CARS1: variants seen among roughly 807,000 people sequenced by gnomAD.
CARS1 encodes the protein cysteinyl-tRNA synthetase 1.
Under a neutral mutation model 106.2 loss-of-function variants are expected in CARS1, and 48 were observed. The observed-to-expected ratio is 0.45, with a 90% confidence interval of 0.36 to 0.57. CARS1 has a LOEUF of 0.57. CARS1 is among the 20% of genes least tolerant of loss of function. CARS1 has a pLI of 0.00. For synonymous variants in CARS1, 409 were observed against 403.4 expected (o/e 1.01, Z -0.17); for missense variants, 968 against 1,057.2 (o/e 0.92, Z 1.17).
intron 17 of CARS1, among the ~76,000 whole-genome samples, chr11:3,015,481 G>A (rs148248415): frequency 2.6e-4 from 39 of 152,360 alleles, no homozygotes; most frequent in Non-Finnish European, 5.0e-4. Context: ...CCAAGTGGCC[G>A]CAGCAAAATG....
intron 17 of CARS1, among the ~76,000 whole-genome samples, chr11:3,014,934 T>G (rs1478574676): frequency 1.3e-5 from 2 of 152,264 alleles, no homozygotes; most frequent in South Asian, 2.1e-4. Context: ...ATTAAGCTCC[T>G]GTTTTAATTA....
chr11:3,055,296 C>T (rs1326258127), intron 1 of CARS1, among the ~76,000 whole-genome samples: 1 of 152,136 alleles, frequency 6.6e-6, no homozygotes, highest in African/African-American at 2.4e-5. Flanking sequence ...AGTAGTCAGG[C>T]GCCCGCCACC....
intron 18 of CARS1, among the ~76,000 whole-genome samples, chr11:3,009,954 C>T (rs974550971): frequency 1.3e-5 from 2 of 152,182 alleles, no homozygotes; most frequent in African/African-American, 2.4e-5. Flanking sequence ...CACGCTGCCC[C>T]GTCGGAAGGT....
In CARS1 at chr11:3,039,494, C is replaced by A. The variant is rs892356512; in HGVS notation, c.553-202G>T. 6.6e-6 allele frequency among the ~76,000 whole-genome samples: 1 copy of A among 152,190 alleles called. No homozygotes were observed. The highest frequency in any genetic ancestry group is 1.5e-5 in the Non-Finnish European group (1 of 68,044). The stretch of plus-strand genomic sequence containing the variant: ...CTGCCAAGTAGTGCCCAAGGCCTAA[C>A]ATGATCTTTCTGACGCTTAATGAAA... On this transcript the variant is annotated intron_variant, in intron 5 of 22. Transcript: ENST00000380525. This position sits in a 1 kb window ranked among gnomAD's most constrained non-coding sequence, Gnocchi z 5.6.
In CARS1 at chr11:3,038,251, A is replaced by T; in HGVS notation, c.652-52T>A. The T allele has an allele frequency of 6.5e-7, 1 of 1,528,102 alleles. No homozygotes were observed. The highest frequency in any genetic ancestry group is 1.1e-5 in the South Asian group (1 of 88,496). 94.7% of individuals were successfully genotyped at this position (1,528,102 alleles called of 1,614,324 possible). A position where few individuals can be genotyped will look rare whatever the true frequency, so the allele number is the denominator to read the frequency against. On this transcript the variant is annotated intron_variant, in intron 6 of 22. Coordinates refer to ENST00000380525, the MANE Select transcript of CARS1 (RefSeq NM_001014437.3). This position sits in a 1 kb window ranked among gnomAD's most constrained non-coding sequence, Gnocchi z 4.0. ...TATTAGATACTGCTCAGCAAAACCT[A>T]AATTCATAAAGGTGATTCCAGGTAG...
intron 21 of CARS1, chr11:3,002,327 C>A: frequency 1.2e-6 from 1 of 823,738 alleles, no homozygotes. Context: ...CTTGTGACCA[C>A]ATGGCACAGC....
At position 3,029,220 on chromosome 11, in the gene CARS1, T is replaced by C. The variant is rs561417228; in HGVS notation, c.942+83A>G. 2.0e-5 allele frequency: 30 copies of C among 1,536,508 alleles called. No homozygotes were observed. The African/African-American group carries it at 4.0e-4, about 20-fold the overall frequency. On this transcript the variant is annotated intron_variant, in intron 8 of 22. Transcript: ENST00000380525. This position sits in a 1 kb window ranked among gnomAD's most constrained non-coding sequence, Gnocchi z 5.9. ...TTCAATGTTGACTTGGCCGCTTAAT[T>C]GAGCTGGCCTTGCCAAAACAGGAAT...
rs768320850 is a variant in CARS1 at position 3,047,755 on chromosome 11, G to C, written c.272C>G (p.Ala91Gly). The C allele has an allele frequency of 6.2e-6, 10 of 1,609,466 alleles. No homozygotes were observed. The South Asian group carries it at 1.1e-4, about 18-fold the overall frequency. The change falls in exon 2 of 23, where the codon GCA becomes GGA. Residue 91 changes from alanine (A) to glycine (G), a missense_variant and splice_region_variant. Transcript: ENST00000380525. Reference sequence around the variant, plus strand: ...AGGGAACCCACTCTGTTACTCACTTGCTTGGAGCCTGCAGGGCTGGCCTTT... The same window carrying C: ...AGGGAACCCACTCTGTTACTCACTTCCTTGGAGCCTGCAGGGCTGGCCTTT... ...CGKGQPCRLQ[A>G]SKGRRVQPQW...
In CARS1 at chr11:3,053,030, C is replaced by T. The variant is rs929327419; in HGVS notation, c.25+4313G>A. On this transcript the variant is annotated intron_variant, in intron 1 of 22. Transcript: ENST00000380525. This position sits in a 1 kb window ranked among gnomAD's most constrained non-coding sequence, Gnocchi z 6.6. The stretch of plus-strand genomic sequence containing the variant: ...CCCAAAGGTGGATGGTGGTTGTCAC[C>T]GGCTACAAAGGTGGAGTCTCTACAG... Among the ~76,000 whole-genome samples the T allele has an allele frequency of 7.9e-5, 12 of 152,154 alleles. No homozygotes were observed. Among genetic ancestry groups the T allele is most frequent in the African/African-American group, 2.9e-4 (12 of 41,416 alleles).
rs746776555 is a variant in CARS1, at chr11:3,018,510, T to G, written c.1527A>C (p.Ala509=). 6.2e-7 allele frequency: 1 copy of G among 1,613,944 alleles called. No individual in the cohort carries two copies. Among genetic ancestry groups the G allele is most frequent in the East Asian group, 2.2e-5 (1 of 44,882 alleles). ...TGAGGAAGGCCAGCCGCAACTGCCG[T>G]GCTGTGGGGGGACACAAGACAGCCA... is the stretch of plus-strand genomic sequence containing the variant. ...TIKDALKKHS[A]RQLRLAFLMH... Residue 509 remains alanine (A), a splice_region_variant and synonymous_variant, in exon 14 of 23, where the codon GCA becomes GCC. Transcript: ENST00000380525.
chr11:3,044,302 C>A lies in CARS1; in HGVS notation c.275-2046G>T, dbSNP rs1263347697. ...ATTCCTGCTCCCCTAAGGCTGCTAT[C>A]TCCACACAGCTGGCGATGGGCTCCC... On this transcript the variant is annotated intron_variant, in intron 2 of 22. Coordinates refer to ENST00000380525, the MANE Select transcript of CARS1 (RefSeq NM_001014437.3). The surrounding 1 kb of genome is among the most constrained non-coding windows in gnomAD (Gnocchi z 4.4). Among the ~76,000 whole-genome samples, 2 of 152,218 alleles carry A rather than the reference C, an allele frequency of 1.3e-5. No individual in the cohort carries two copies. Among genetic ancestry groups the A allele is most frequent in the Non-Finnish European group, 2.9e-5 (2 of 68,034 alleles).
Position 3,003,664 on chromosome 11 carries a change from C to T in CARS1, c.2218-1064G>A, listed in dbSNP as rs1480482395. On this transcript the variant is annotated intron_variant, in intron 20 of 22. Coordinates refer to ENST00000380525, the MANE Select transcript of CARS1 (RefSeq NM_001014437.3). This position sits in a 1 kb window ranked among gnomAD's most constrained non-coding sequence, Gnocchi z 4.8. ...TCTTTCGAGATAGATGGAGGGAGAG[C>T]AGGGCTGGCCGAGGGAAAGGGGCTG... Among the ~76,000 whole-genome samples the T allele has an allele frequency of 6.6e-6, 1 of 152,114 alleles. No individual in the cohort carries two copies. Among genetic ancestry groups the T allele is most frequent in the Non-Finnish European group, 1.5e-5 (1 of 68,014 alleles).
rs1855783608 is a variant in CARS1 at position 3,052,353 on chromosome 11, C to G, written c.26-4352G>C. 6.6e-6 allele frequency among the ~76,000 whole-genome samples: 1 copy of G among 152,218 alleles called. No homozygotes were observed. Among genetic ancestry groups the G allele is most frequent in the African/African-American group, 2.4e-5 (1 of 41,470 alleles). On this transcript the variant is annotated intron_variant, in intron 1 of 22. Transcript: ENST00000380525. This position sits in a 1 kb window ranked among gnomAD's most constrained non-coding sequence, Gnocchi z 4.6. ...ACACTTGTAAAATGTTTAAAAGCTG[C>G]CTGGCACAGAGCCAGGGGCCCCATT...
Position 3,027,958 on chromosome 11 carries a change from G to A in CARS1, c.1031+1038C>T, listed in dbSNP as rs427582. ...GGCCTGACATGAGTCAGGCTCGCCC[G>A]CAGTTATCCGGAGGCCTAACCGTCT... is the stretch of plus-strand genomic sequence containing the variant. On this transcript the variant is annotated intron_variant, in intron 9 of 22. Transcript: ENST00000380525. 3.7e-3 allele frequency: 1,574 copies of A among 430,612 alleles called. 20 individuals are homozygous for A. The highest frequency in any genetic ancestry group is 0.029 in the African/African-American group (1,429 of 49,508). The allele number at this position is 430,612 out of a possible 1,614,324, so 26.7% of individuals were successfully genotyped here. A position where few individuals can be genotyped will look rare whatever the true frequency, so the allele number is the denominator to read the frequency against.
chr11:3,009,455 C>T (rs953227199), intron 18 of CARS1: 2 of 152,270 alleles, frequency 1.3e-5, no homozygotes, highest in African/African-American at 4.8e-5. Context: ...AGTTGCTGTT[C>T]CATGGGGACA....
chr11:3,010,884 G>A lies in CARS1; in HGVS notation c.2068+1311C>T, dbSNP rs146813153. The stretch of plus-strand genomic sequence containing the variant: ...CTCTGTCTTCAGCATGCCCTGCCTG[G>A]ATGCTGCCCCACTGTGACCCTCCAT... On this transcript the variant is annotated intron_variant, in intron 18 of 22. Transcript: ENST00000380525. Among the ~76,000 whole-genome samples the A allele has an allele frequency of 3.1e-3, 479 of 152,294 alleles. 11 individuals carry two copies. The East Asian group carries it at 0.062, about 20-fold the overall frequency.
rs1047706083 is a variant in CARS1, at chr11:3,053,031, G to A, written c.25+4312C>T. Among the ~76,000 whole-genome samples, 5 of 152,138 alleles carry A rather than the reference G, an allele frequency of 3.3e-5. No homozygotes were observed. Among genetic ancestry groups the A allele is most frequent in the Admixed American group, 6.5e-5 (1 of 15,278 alleles). On this transcript the variant is annotated intron_variant, in intron 1 of 22. Coordinates refer to ENST00000380525, the MANE Select transcript of CARS1 (RefSeq NM_001014437.3). This position sits in a 1 kb window ranked among gnomAD's most constrained non-coding sequence, Gnocchi z 6.6. ...CCAAAGGTGGATGGTGGTTGTCACC[G>A]GCTACAAAGGTGGAGTCTCTACAGA...
Position 3,050,561 on chromosome 11 carries a change from C to T in CARS1, c.26-2560G>A, listed in dbSNP as rs1855565306. Reference sequence around the variant, plus strand: ...CAGCATGGCTCTCCCCTCACAGCCACAGGCCTCCAGCGGCCCTGCTGAAAA... The same window carrying T: ...CAGCATGGCTCTCCCCTCACAGCCATAGGCCTCCAGCGGCCCTGCTGAAAA... On this transcript the variant is annotated intron_variant, in intron 1 of 22. Coordinates refer to ENST00000380525, the MANE Select transcript of CARS1 (RefSeq NM_001014437.3). This position sits in a 1 kb window ranked among gnomAD's most constrained non-coding sequence, Gnocchi z 6.3. Among the ~76,000 whole-genome samples the T allele has an allele frequency of 6.6e-6, 1 of 152,230 alleles. No individual in the cohort carries two copies. The highest frequency in any genetic ancestry group is 1.5e-5 in the Non-Finnish European group (1 of 68,038).
chr11:3,044,224 G>GC lies in CARS1; in HGVS notation c.275-1969dup, dbSNP rs1416332161. Among the ~76,000 whole-genome samples, 1 of 152,148 alleles carries GC rather than the reference G, an allele frequency of 6.6e-6. No individual in the cohort carries two copies. The highest frequency in any genetic ancestry group is 1.5e-5 in the Non-Finnish European group (1 of 68,030). ...ACACTCACCCTGCTATGAGGAAACG[G>GC]CCCAGGGTTCACAGGACTGAAAGCT... On this transcript the variant is annotated intron_variant, in intron 2 of 22. Transcript: ENST00000380525. The surrounding 1 kb of genome is among the most constrained non-coding windows in gnomAD (Gnocchi z 4.4).
Sources: allele counts gnomAD v4.1 joint callset (sites outside exome capture counted in the v4.1 genomes callset), GRCh38; gene constraint gnomAD v4.1.1; non-coding constraint Gnocchi (gnomAD v3.1); transcripts MANE v1.5; gene names NCBI Gene and HGNC (gene_info 2026-07-23, HGNC 2026-07-21).